C1GALT1: variants seen among roughly 807,000 people sequenced by gnomAD.
The protein encoded by C1GALT1 is glycoprotein-N-acetylgalactosamine 3-beta-galactosyltransferase 1.
Under a neutral mutation model 31.0 loss-of-function variants are expected in C1GALT1, and 11 were observed. The ratio of observed to expected loss-of-function variants is 0.36; its 90% CI spans 0.22 to 0.59. The LOEUF (loss-of-function observed/expected upper bound fraction) is 0.59, where lower values mean the gene tolerates loss of function less well. Among genes scored for constraint, C1GALT1 ranks in the 20% least tolerant of loss-of-function variants. The pLI is 0.79. For missense variants in C1GALT1, 424 were observed against 425.2 expected, an observed-to-expected ratio of 1.00 and a Z score of 0.03; for synonymous variants, 175 against 143.6, an observed-to-expected ratio of 1.22 and a Z score of -1.56.
At chr7:7,207,966 C>CA (rs1219897564) in intron 1 of C1GALT1, among the ~76,000 whole-genome samples, 1 of 151,976 alleles carries the variant, frequency 6.6e-6, no homozygotes, top group African/African-American at 2.4e-5. Flanking sequence ...AACAGTGGTC[C>CA]AAAAATATTA....
In C1GALT1 at chr7:7,247,808, T is replaced by A. The variant is rs1189948069; in HGVS notation, c.*4081T>A. On this transcript the variant is annotated 3_prime_UTR_variant, in exon 4 of 4. Transcript: ENST00000436587. ...TTCACAAGGTTAATTTGGCTGTTAA[T>A]AGTGATTAGAATTTTTATCACTTAA... The A allele has an allele frequency of 3.3e-5, 5 of 152,074 alleles. No individual in the cohort carries two copies. Among genetic ancestry groups the A allele is most frequent in the Non-Finnish European group, 7.4e-5 (5 of 67,906 alleles). 9.4% of individuals were successfully genotyped at this position (152,074 alleles called of 1,614,324 possible). A position where few individuals can be genotyped will look rare whatever the true frequency, so the allele number is the denominator to read the frequency against.
chr7:7,197,211 T>C (rs1781329331), intron 1 of C1GALT1, among the ~76,000 whole-genome samples: 1 of 152,332 alleles, frequency 6.6e-6, no homozygotes, highest in African/African-American at 2.4e-5. Context: ...CTTGAATTAA[T>C]TTTTGTATCA....
intron 1 of C1GALT1, among the ~76,000 whole-genome samples, chr7:7,212,673 G>T (rs945628634): frequency 6.6e-6 from 1 of 152,128 alleles, no homozygotes; most frequent in East Asian, 1.9e-4. Flanking sequence ...AAAGGTTTGG[G>T]ATAAGTGGTG....
intron 1 of C1GALT1, among the ~76,000 whole-genome samples, chr7:7,233,578 A>C (rs1783190789): frequency 6.6e-6 from 1 of 152,194 alleles, no homozygotes; most frequent in Non-Finnish European, 1.5e-5. Flanking sequence ...TAGCCAGCAA[A>C]CTTTTTCTAT....
At chr7:7,158,012 G>A (rs1430764840) in intron 2 of C1GALT1, among the ~76,000 whole-genome samples, 2 of 152,134 alleles carry the variant, frequency 1.3e-5, no homozygotes, top group Non-Finnish European at 2.9e-5. Flanking sequence ...GTTTCCTCAA[G>A]TTGCTGTTGC....
chr7:7,234,752 C>A, intron 2 of C1GALT1: 1 of 440,936 alleles, frequency 2.3e-6, no homozygotes, highest in Non-Finnish European at 4.0e-6. Context: ...AGAAATAGTT[C>A]AGAACCCATG....
At chr7:7,163,528 T>C (rs1328825502) in intron 2 of C1GALT1, among the ~76,000 whole-genome samples, 1 of 152,022 alleles carries the variant, frequency 6.6e-6, no homozygotes, top group East Asian at 1.9e-4. Flanking sequence ...GTCAAATTGT[T>C]CCTGTTTGCA....
chr7:7,243,647 A>G lies in C1GALT1; in HGVS notation c.1012A>G (p.Thr338Ala), dbSNP rs774050675. The G allele has an allele frequency of 4.3e-6, 7 of 1,611,550 alleles. No homozygotes were observed. In the African/African-American group the frequency reaches 9.4e-5, roughly 22 times the overall value. ...TGGTTATTTATACAGATATCAACCT[A>G]CCTTACCTGAACGTATACTAAAGGA... ...PYGYLYRYQPTLPERILKEIS... is the reference protein window; with the variant it reads ...PYGYLYRYQPALPERILKEIS... The change falls in exon 4 of 4, where the codon ACC becomes GCC. Residue 338 changes from threonine (T) to alanine (A), a missense_variant. By Grantham distance (58) the Thr-to-Ala change is moderately conservative. Transcript: ENST00000436587.
intron 1 of C1GALT1, among the ~76,000 whole-genome samples, chr7:7,214,388 C>T (rs1030728779): frequency 1.3e-5 from 2 of 152,038 alleles, no homozygotes; most frequent in African/African-American, 4.8e-5. Context: ...ATAATTCAGT[C>T]GACTGAGGAG....
upstream of C1GALT1, among the ~76,000 whole-genome samples, chr7:7,182,268 A>T (rs564211328): frequency 6.6e-6 from 1 of 152,142 alleles, no homozygotes; most frequent in African/African-American, 2.4e-5. Context: ...CTCGCTCCCT[A>T]TTGTTACCCT....
intron 1 of C1GALT1, among the ~76,000 whole-genome samples, chr7:7,200,491 G>T (rs755351363): frequency 6.6e-6 from 1 of 151,884 alleles, no homozygotes; most frequent in East Asian, 1.9e-4. Context: ...TGCTCTTCTC[G>T]AAGAGTATCT....
intron 2 of C1GALT1, among the ~76,000 whole-genome samples, chr7:7,172,234 GT>G (rs1161119941): frequency 6.6e-6 from 1 of 152,090 alleles, no homozygotes; most frequent in African/African-American, 2.4e-5. Flanking sequence ...CAGTTAATAG[GT>G]TTCATTTTCT....
At chr7:7,212,818 A>G (rs1307031893) in intron 1 of C1GALT1, among the ~76,000 whole-genome samples, 1 of 152,208 alleles carries the variant, frequency 6.6e-6, no homozygotes, top group Non-Finnish European at 1.5e-5. Context: ...GGAATGTTAC[A>G]AAGTACATTC....
intron 1 of C1GALT1, among the ~76,000 whole-genome samples, chr7:7,216,530 AC>A (rs1010069741): frequency 5.3e-5 from 4 of 75,702 alleles, no homozygotes; most frequent in Non-Finnish European, 9.5e-5. Flanking sequence ...AGAGGCTGTC[AC>A]CTTTCGGGCA....
At chr7:7,203,940 G>A (rs1182673522) in intron 1 of C1GALT1, among the ~76,000 whole-genome samples, 3 of 151,782 alleles carry the variant, frequency 2.0e-5, no homozygotes, top group Non-Finnish European at 4.4e-5. Context: ...CTGTAATTTT[G>A]CATCCTTTAA....
At chr7:7,193,033 T>G (rs183229687) in intron 1 of C1GALT1, among the ~76,000 whole-genome samples, 2 of 152,294 alleles carry the variant, frequency 1.3e-5, no homozygotes, top group African/African-American at 2.4e-5. Context: ...TTTGTTTGGT[T>G]TTTTTGTAGA....
chr7:7,228,460 C>T (rs1455097535), intron 1 of C1GALT1, among the ~76,000 whole-genome samples: 2 of 152,024 alleles, frequency 1.3e-5, no homozygotes, highest in Non-Finnish European at 2.9e-5. Context: ...GTATTTAAGC[C>T]CTCATAATGT....
chr7:7,182,672 C>G lies in C1GALT1; in HGVS notation c.-166C>G, dbSNP rs1274472291. On this transcript the variant is annotated 5_prime_UTR_variant, in exon 1 of 4. Coordinates refer to ENST00000436587, the MANE Select transcript of C1GALT1 (RefSeq NM_020156.5). ...GCCGCCGCCGCTGTGCTGCCGCTGC[C>G]GGGGAATAATCTGGGCGGCAGCGGG... 1.6e-5 allele frequency: 7 copies of G among 435,316 alleles called. No individual in the cohort carries two copies. The highest frequency in any genetic ancestry group is 1.6e-4 in the East Asian group (1 of 6,324). 27.0% of individuals were successfully genotyped at this position (435,316 alleles called of 1,614,324 possible).
At chr7:7,224,250 A>C (rs1035702442) in intron 1 of C1GALT1, among the ~76,000 whole-genome samples, 1 of 150,366 alleles carries the variant, frequency 6.7e-6, no homozygotes, top group African/African-American at 2.5e-5. Context: ...GAAGGGTAGT[A>C]GTCTGTAGTT....
Sources: allele counts gnomAD v4.1 joint callset (sites outside exome capture counted in the v4.1 genomes callset), GRCh38; gene constraint gnomAD v4.1.1; transcripts MANE v1.5; gene names NCBI Gene and HGNC (gene_info 2026-07-23, HGNC 2026-07-21).